The following UMODL1 variants were observed in gnomAD, a reference collection of about 807,000 sequenced individuals.
UMODL1 encodes the protein uromodulin-like 1.
A neutral mutation model predicts 136.3 loss-of-function variants in UMODL1; 128 were observed. The observed-to-expected ratio is 0.94, with a 90% CI of 0.81 to 1.09. The LOEUF (loss-of-function observed/expected upper bound fraction) is 1.09, where lower values mean the gene tolerates loss of function less well. Ranked by LOEUF, UMODL1 falls within the 50% of genes least tolerant of loss-of-function variation. UMODL1 has a pLI of 0.00. For missense variants in UMODL1, 1,766 were observed against 1,725.6 expected, an observed-to-expected ratio of 1.02 and a Z score of -0.41; for synonymous variants, 721 against 720.0, an observed-to-expected ratio of 1.00 and a Z score of -0.02.
In UMODL1 at chr21:42,076,106, TC is replaced by T. The variant is rs763925019; in HGVS notation, c.180del (p.Cys61AlafsTer21). ...AVQTSYTSYV[S>X]CGGWIPWRRC... ...GCAGACGTCCTACACGTCCTATGTG[TC>T]CTGCGGCGGCTGGATCCCCTGGAGG... On this transcript the variant is annotated frameshift_variant, in exon 2 of 23. Coordinates refer to ENST00000408910, the MANE Select transcript of UMODL1 (RefSeq NM_001004416.3). LOFTEE classifies it high-confidence loss of function. The T allele has an allele frequency of 4.3e-6, 7 of 1,614,208 alleles. No individual in the cohort carries two copies. The East Asian group carries it at 1.6e-4, about 36-fold the overall frequency.
At chr21:42,110,126 A>C (rs772691303) in intron 10 of UMODL1, among the ~76,000 whole-genome samples, 1 of 152,176 alleles carries the variant, frequency 6.6e-6, no homozygotes, top group African/African-American at 2.4e-5. Context: ...GAAGCTGCAG[A>C]GAGGCCCGAT....
chr21:42,110,167 C>T (rs965431929), intron 10 of UMODL1, among the ~76,000 whole-genome samples: 14 of 152,172 alleles, frequency 9.2e-5, no homozygotes, highest in African/African-American at 3.1e-4. Context: ...CCTGCTGTAT[C>T]GGCCCCCAGT....
intron 15 of UMODL1, chr21:42,120,828 C>T: frequency 5.4e-6 from 2 of 368,372 alleles, no homozygotes; most frequent in East Asian, 4.6e-5. Context: ...AAGGGATGGC[C>T]CTGCTCTGCC....
intron 21 of UMODL1, among the ~76,000 whole-genome samples, chr21:42,134,875 C>T (rs1416110277): frequency 2.0e-5 from 3 of 152,076 alleles, no homozygotes; most frequent in Non-Finnish European, 4.4e-5. Flanking sequence ...CCGCCCGCCT[C>T]AGCCTCCCAA....
At chr21:42,115,533 C>A (rs530886121) in intron 13 of UMODL1, among the ~76,000 whole-genome samples, 69 of 152,346 alleles carry the variant, frequency 4.5e-4, no homozygotes, top group African/African-American at 1.6e-3. Flanking sequence ...CCTCCACATG[C>A]TTCAAGTCAT....
At chr21:42,124,932 G>C (rs143261594) in intron 17 of UMODL1, among the ~76,000 whole-genome samples, 1,560 of 152,258 alleles carry the variant, frequency 0.01, 18 homozygotes, top group Admixed American at 0.017. Context: ...GCTGAGCCCT[G>C]GGTGCTCGGC....
chr21:42,132,929 G>C (rs891671445), intron 21 of UMODL1, among the ~76,000 whole-genome samples: 1 of 152,202 alleles, frequency 6.6e-6, no homozygotes, highest in African/African-American at 2.4e-5. Flanking sequence ...TATTGAATAA[G>C]TGCTACTTTT....
intron 7 of UMODL1, among the ~76,000 whole-genome samples, chr21:42,100,365 C>T (rs572179486): frequency 2.6e-5 from 4 of 152,174 alleles, no homozygotes; most frequent in South Asian, 2.1e-4. Context: ...GAATGAATGG[C>T]GGAATGAGCG....
In UMODL1 at chr21:42,085,552, G is replaced by A. The variant is rs1019099212; in HGVS notation, c.603+140G>A. On this transcript the variant is annotated intron_variant, in intron 4 of 22. Coordinates refer to ENST00000408910, the MANE Select transcript of UMODL1 (RefSeq NM_001004416.3). This position sits in a 1 kb window ranked among gnomAD's most constrained non-coding sequence, Gnocchi z 4.5. ...TGGCCCCAAATGACTGACTCTGAAC[G>A]AAATTCTAGTTCTTAAAAAATCAGC... The A allele has an allele frequency of 7.7e-6, 10 of 1,301,422 alleles. No homozygotes were observed. The highest frequency in any genetic ancestry group is 3.9e-5 in the South Asian group (3 of 76,004). The allele number at this position is 1,301,422 out of a possible 1,614,324, so 80.6% of individuals were successfully genotyped here.
chr21:42,130,040 C>A (rs1344849220), intron 21 of UMODL1, among the ~76,000 whole-genome samples: 1 of 152,174 alleles, frequency 6.6e-6, no homozygotes, highest in Non-Finnish European at 1.5e-5. Context: ...GGAGCATGAG[C>A]TATTACCATA....
At position 42,111,647 on chromosome 21, in the gene UMODL1, C is replaced by A; in HGVS notation, c.2041C>A (p.Pro681Thr). Residue 681 changes from proline (P) to threonine (T), a missense_variant, in exon 12 of 23, where the codon CCC becomes ACC. Coordinates refer to ENST00000408910, the MANE Select transcript of UMODL1 (RefSeq NM_001004416.3). ...GTGGCTGCGAAATGAGGACAGTGGA[C>A]CCTCCGGTTCTGTAGACCTGCCATT... ...PTWLRNEDSG[P>T]SGSVDLPLTS... is the part of the protein sequence containing the mutation. 1.2e-6 allele frequency: 2 copies of A among 1,614,038 alleles called. No homozygotes were observed.
chr21:42,094,507 G>C (rs186230439), intron 6 of UMODL1, among the ~76,000 whole-genome samples: 6 of 152,108 alleles, frequency 3.9e-5, no homozygotes, highest in Non-Finnish European at 7.4e-5. Flanking sequence ...CCGCATTGCC[G>C]TGGCCTTGGG....
At chr21:42,074,336 C>A (rs1052369298) in intron 1 of UMODL1, among the ~76,000 whole-genome samples, 2 of 152,186 alleles carry the variant, frequency 1.3e-5, no homozygotes, top group Admixed American at 6.5e-5. Flanking sequence ...TAGGGCCCAC[C>A]CTAATGTCTC....
At position 42,089,465 on chromosome 21, in the gene UMODL1, CCTG is replaced by C. The variant is rs554827640; in HGVS notation, c.791-832_791-830del. Among the ~76,000 whole-genome samples, 29 of 152,320 alleles carry C rather than the reference CCTG, an allele frequency of 1.9e-4. No individual in the cohort carries two copies. In the South Asian group the frequency reaches 5.4e-3, roughly 28 times the overall value. ...TTTGGCCAGAGGTTGCAGGAGCACA[CCTG>C]TGGGTGGACCAGTTGAGTTTATTAT... is the stretch of plus-strand genomic sequence containing the variant. On this transcript the variant is annotated intron_variant, in intron 5 of 22. Transcript: ENST00000408910.
intron 21 of UMODL1, among the ~76,000 whole-genome samples, 183 bp downstream of exon 21, chr21:42,129,980 AC>A (rs2067112606): frequency 1.3e-5 from 2 of 152,262 alleles, no homozygotes; most frequent in South Asian, 4.1e-4. Flanking sequence ...TCAGCCTGGC[AC>A]TAAGTTCTTT....
At chr21:42,133,912 T>C (rs1273526674) in intron 21 of UMODL1, among the ~76,000 whole-genome samples, 2 of 136,426 alleles carry the variant, frequency 1.5e-5, no homozygotes, top group Admixed American at 7.2e-5. Flanking sequence ...TGTTTTGTTT[T>C]GTTTTGTTTC....
At chr21:42,079,049 A>G (rs2066329509) in intron 2 of UMODL1, among the ~76,000 whole-genome samples, 1 of 152,168 alleles carries the variant, frequency 6.6e-6, no homozygotes, top group Non-Finnish European at 1.5e-5. Context: ...TGCAGTCAGG[A>G]CATGCCCTAT....
chr21:42,079,933 C>T (rs755521945), intron 2 of UMODL1, among the ~76,000 whole-genome samples: 13 of 152,296 alleles, frequency 8.5e-5, no homozygotes, highest in South Asian at 2.1e-4. Context: ...ACTGAGGACA[C>T]GGAGTTCTTT....
intron 8 of UMODL1, 36 bp downstream of exon 8, chr21:42,102,314 G>A (rs371464825): frequency 3.5e-5 from 51 of 1,469,388 alleles, no homozygotes; most frequent in Non-Finnish European, 4.7e-5. Flanking sequence ...CTTTTCTTGG[G>A]TGTTCTGAGT....
Sources: allele counts gnomAD v4.1 joint callset (sites outside exome capture counted in the v4.1 genomes callset), GRCh38; gene constraint gnomAD v4.1.1; non-coding constraint Gnocchi (gnomAD v3.1); transcripts MANE v1.5; gene names NCBI Gene and HGNC (gene_info 2026-07-23, HGNC 2026-07-21).